CNTNAP2: variants seen among roughly 807,000 people sequenced by gnomAD.
CNTNAP2 encodes contactin-associated protein-like 2.
Under a neutral mutation model 155.2 loss-of-function variants are expected in CNTNAP2, and 98 were observed. That is an observed-to-expected ratio of 0.63 (90% CI 0.54 to 0.75). CNTNAP2 has a LOEUF of 0.75. Ranked by LOEUF, CNTNAP2 falls within the 30% of genes least tolerant of loss-of-function variation. The pLI is 0.00. For missense variants in CNTNAP2, 1,727 were observed against 1,688.1 expected (o/e 1.02, Z -0.40); for synonymous variants, 651 against 631.2 (o/e 1.03, Z -0.47).
At chr7:148,199,597 A>G (rs763379356) in intron 18 of CNTNAP2, among the ~76,000 whole-genome samples, 4 of 152,198 alleles carry the variant, frequency 2.6e-5, no homozygotes, top group Admixed American at 2.0e-4. Context: ...TGTACTGTCT[A>G]TACAGTAACC....
intron 3 of CNTNAP2, among the ~76,000 whole-genome samples, chr7:146,936,448 T>C (rs1796915857): frequency 6.6e-6 from 1 of 152,166 alleles, no homozygotes; most frequent in Non-Finnish European, 1.5e-5. Flanking sequence ...CCAGTGGGTT[T>C]CAAGACCAAA....
In CNTNAP2 at chr7:148,217,357, G is replaced by C. The variant is rs376252602; in HGVS notation, c.3080G>C (p.Arg1027Thr). The C allele has an allele frequency of 5.6e-6, 9 of 1,613,992 alleles. No homozygotes were observed. The highest frequency in any genetic ancestry group is 1.3e-5 in the African/African-American group (1 of 74,912). The change falls in exon 19 of 24, where the codon AGA becomes ACA. Residue 1027 changes from arginine (R) to threonine (T), a missense_variant. Coordinates refer to ENST00000361727, the MANE Select transcript of CNTNAP2 (RefSeq NM_014141.6). The part of the protein sequence containing the change: ...YNFQAPATNA[R>T]DSSSRVDNAP... ...TTTCAGGCACCAGCAACAAATGCCA[G>C]AGACTCCAGCAGCAGAGTAGACAAC... is the stretch of plus-strand genomic sequence containing the variant.
chr7:146,175,999 T>C (rs1584787794), intron 1 of CNTNAP2, among the ~76,000 whole-genome samples: 1 of 152,352 alleles, frequency 6.6e-6, no homozygotes, highest in East Asian at 1.9e-4. Flanking sequence ...GTTATTCTAG[T>C]GTGTCTCTCA....
At chr7:148,366,266 GTGTACATGTATATATGTA>G (rs1278612803) in intron 21 of CNTNAP2, among the ~76,000 whole-genome samples, 4 of 146,836 alleles carry the variant, frequency 2.7e-5, no homozygotes, top group African/African-American at 1.0e-4. Flanking sequence ...GTGTGTATAT[GTGTACATGTATATATGTA>G]TGTGTACATG....
chr7:147,635,198 A>ATATATATATATATATATATATATATATG (rs1554415300), intron 12 of CNTNAP2, among the ~76,000 whole-genome samples: 23 of 149,190 alleles, frequency 1.5e-4, no homozygotes, highest in African/African-American at 4.8e-4. Flanking sequence ...ATATATATAT[A>ATATATATATATATATATATATATATATG]TATGTTTAAT....
intron 2 of CNTNAP2, among the ~76,000 whole-genome samples, chr7:146,836,546 C>T (rs1203202380): frequency 6.6e-6 from 1 of 152,118 alleles, no homozygotes; most frequent in Non-Finnish European, 1.5e-5. Context: ...AACATATTTC[C>T]TGTCCAGACT....
intron 10 of CNTNAP2, among the ~76,000 whole-genome samples, chr7:147,424,640 C>T (rs1157602084): frequency 6.6e-6 from 1 of 152,132 alleles, no homozygotes; most frequent in African/African-American, 2.4e-5. Flanking sequence ...TGTATGTTGA[C>T]TTATCTCTCT....
chr7:148,328,381 G>A (rs1417691204), intron 21 of CNTNAP2, among the ~76,000 whole-genome samples: 1 of 152,128 alleles, frequency 6.6e-6, no homozygotes, highest in Non-Finnish European at 1.5e-5. Flanking sequence ...GACAAAATTA[G>A]GGAATCTGGT....
At chr7:147,784,493 TAA>T (rs1491519293) in intron 13 of CNTNAP2, among the ~76,000 whole-genome samples, 24 of 48,102 alleles carry the variant, frequency 5.0e-4, no homozygotes, top group African/African-American at 1.4e-3. Context: ...GGCTCTGGAC[TAA>T]TATATATATA....
intron 1 of CNTNAP2, among the ~76,000 whole-genome samples, chr7:146,716,687 A>G (rs1346855462): frequency 6.6e-6 from 1 of 152,026 alleles, no homozygotes; most frequent in Non-Finnish European, 1.5e-5. Flanking sequence ...CAGATTTCTC[A>G]TTTCTCCCTT....
intron 10 of CNTNAP2, among the ~76,000 whole-genome samples, chr7:147,465,201 C>T (rs2021880): frequency 0.78 from 119,005 of 152,172 alleles, 46,905 homozygotes; most frequent in African/African-American, 0.88. Context: ...AAACTACCTA[C>T]GGAAAACTTT....
chr7:148,416,752 C>T lies in CNTNAP2; in HGVS notation c.*1136C>T, dbSNP rs1800002462. ...GCCATATTTTAAATCAACTACTCCA[C>T]GTGTTTTTCCATCCAATCACACTGC... On this transcript the variant is annotated 3_prime_UTR_variant, in exon 24 of 24. Transcript: ENST00000361727. 1.3e-5 allele frequency: 2 copies of T among 152,246 alleles called. No homozygotes were observed. Among genetic ancestry groups the T allele is most frequent in the Non-Finnish European group, 2.9e-5 (2 of 68,044 alleles). The allele number at this position is 152,246 out of a possible 1,614,324, so 9.4% of individuals were successfully genotyped here. A position where few individuals can be genotyped will look rare whatever the true frequency, so the allele number is the denominator to read the frequency against.
chr7:146,265,900 C>A (rs1356904991), intron 1 of CNTNAP2, among the ~76,000 whole-genome samples: 1 of 151,206 alleles, frequency 6.6e-6, no homozygotes, highest in African/African-American at 2.4e-5. Flanking sequence ...GGAGATGAAC[C>A]TTCTTTGTTT....
chr7:147,241,935 TC>T (rs1312391521), intron 8 of CNTNAP2, among the ~76,000 whole-genome samples: 1 of 152,200 alleles, frequency 6.6e-6, no homozygotes, highest in Non-Finnish European at 1.5e-5. Context: ...TAATCTCATA[TC>T]TAGTTATTGA....
intron 11 of CNTNAP2, among the ~76,000 whole-genome samples, chr7:147,489,201 T>A (rs1259613743): frequency 2.0e-5 from 3 of 152,190 alleles, no homozygotes; most frequent in Non-Finnish European, 4.4e-5. Flanking sequence ...TGTGTGTACA[T>A]GGGGACTTTG....
intron 8 of CNTNAP2, among the ~76,000 whole-genome samples, chr7:147,196,851 T>A (rs1181447615): frequency 1.3e-5 from 2 of 152,124 alleles, no homozygotes; most frequent in Non-Finnish European, 1.5e-5. Flanking sequence ...AAAGACTTGG[T>A]GGAGGGTAAA....
intron 1 of CNTNAP2, among the ~76,000 whole-genome samples, chr7:146,349,546 C>G (rs563171262): frequency 6.6e-6 from 1 of 152,274 alleles, no homozygotes; most frequent in African/African-American, 2.4e-5. Flanking sequence ...TTAGTTGACG[C>G]AGTTTTCTTC....
At chr7:146,707,444 G>A (rs2129174459) in intron 1 of CNTNAP2, among the ~76,000 whole-genome samples, 1 of 152,220 alleles carries the variant, frequency 6.6e-6, no homozygotes, top group East Asian at 1.9e-4. Context: ...GATCTCAACA[G>A]AATCAATAAG....
intron 8 of CNTNAP2, among the ~76,000 whole-genome samples, chr7:147,249,012 AAC>A (rs563207751): frequency 3.9e-5 from 6 of 152,086 alleles, no homozygotes; most frequent in African/African-American, 7.2e-5. Flanking sequence ...ATTGGTGGAA[AAC>A]ACACACACAC....
Sources: allele counts gnomAD v4.1 joint callset (sites outside exome capture counted in the v4.1 genomes callset), GRCh38; gene constraint gnomAD v4.1.1; transcripts MANE v1.5; gene names NCBI Gene and HGNC (gene_info 2026-07-23, HGNC 2026-07-21).